The following MAML3 variants were observed in gnomAD, a reference collection of about 807,000 sequenced individuals.
The protein encoded by MAML3 is mastermind-like protein 3.
Under a neutral mutation model 101.9 loss-of-function variants are expected in MAML3, and 27 were observed. That is an observed-to-expected ratio of 0.27 (90% CI 0.20 to 0.37). The LOEUF is 0.37. MAML3 is among the 10% of genes least tolerant of loss of function. The pLI, the probability that MAML3 is intolerant of heterozygous loss-of-function variation, is 1.00. For synonymous variants in MAML3, 501 were observed against 555.9 expected, an observed-to-expected ratio of 0.90 and a Z score of 1.39; for missense variants, 1,316 against 1,444.9, an observed-to-expected ratio of 0.91 and a Z score of 1.45.
At chr4:140,011,730 A>G (rs1281123709) in intron 1 of MAML3, among the ~76,000 whole-genome samples, 3 of 152,174 alleles carry the variant, frequency 2.0e-5, no homozygotes, top group Non-Finnish European at 4.4e-5. Context: ...GGTTTGGCTA[A>G]ATACATCTAA....
chr4:139,782,661 G>A (rs34395745), intron 2 of MAML3, among the ~76,000 whole-genome samples: 30,778 of 152,002 alleles, frequency 0.2, 3,283 homozygotes, highest in Non-Finnish European at 0.22. Flanking sequence ...GTAATGAATG[G>A]CAAAGTTCAG....
intron 2 of MAML3, among the ~76,000 whole-genome samples, chr4:139,804,189 C>T (rs1014216995): frequency 1.3e-5 from 2 of 152,052 alleles, no homozygotes; most frequent in Non-Finnish European, 2.9e-5. Flanking sequence ...TAGTTGGCAA[C>T]CACTTGAAAT....
intron 1 of MAML3, among the ~76,000 whole-genome samples, chr4:139,957,770 A>G (rs1314348045): frequency 6.6e-6 from 1 of 152,200 alleles, no homozygotes; most frequent in African/African-American, 2.4e-5. Context: ...AAACTTATGA[A>G]GCACCAAATA....
intron 2 of MAML3, among the ~76,000 whole-genome samples, chr4:139,815,654 T>G (rs59224511): frequency 0.01 from 1,562 of 152,280 alleles, 30 homozygotes; most frequent in African/African-American, 0.036. Flanking sequence ...TCTGCATTCA[T>G]GGTGCATTTT....
At position 140,153,127 on chromosome 4, in the gene MAML3, A is replaced by G. The variant is rs1034695955; in HGVS notation, c.201T>C (p.Val67=). 2.1e-5 allele frequency: 32 copies of G among 1,550,316 alleles called. No homozygotes were observed. Among genetic ancestry groups the G allele is most frequent in the Admixed American group, 5.9e-5 (3 of 50,988 alleles). Residue 67 remains valine (V), a synonymous_variant, in exon 1 of 5, where the codon GTT becomes GTC. Coordinates refer to ENST00000509479, the MANE Select transcript of MAML3 (RefSeq NM_018717.5). ...SGGPGGGSAA[V]PKHSTVVERL... ...GCTCCACCACGGTGCTGTGCTTGGG[A>G]ACGGCCGCCGAACCGCCGCCGGGGC...
chr4:139,945,885 G>A (rs576610815), intron 1 of MAML3, among the ~76,000 whole-genome samples: 4 of 152,322 alleles, frequency 2.6e-5, no homozygotes, highest in Admixed American at 2.6e-4. Flanking sequence ...ACAAAAAAAG[G>A]TGGAAGGTGT....
At chr4:139,882,194 A>C (rs1404540009) in intron 2 of MAML3, among the ~76,000 whole-genome samples, 1 of 152,172 alleles carries the variant, frequency 6.6e-6, no homozygotes, top group African/African-American at 2.4e-5. Context: ...TCAGAGTACA[A>C]TCCAGAAGGT....
chr4:140,052,534 T>TC (rs1420268863), intron 1 of MAML3, among the ~76,000 whole-genome samples: 1 of 147,384 alleles, frequency 6.8e-6, no homozygotes, highest in African/African-American at 2.5e-5. Flanking sequence ...CCCATATATT[T>TC]CTTTTTTTTT....
intron 2 of MAML3, among the ~76,000 whole-genome samples, chr4:139,761,008 G>A (rs895478560): frequency 6.6e-6 from 1 of 152,008 alleles, no homozygotes; most frequent in Non-Finnish European, 1.5e-5. Flanking sequence ...GCCCAGGCTG[G>A]AGTACAATGG....
At position 140,120,100 on chromosome 4, in the gene MAML3, G is replaced by A. The variant is rs551207066; in HGVS notation, c.468+32760C>T. On this transcript the variant is annotated intron_variant, in intron 1 of 4. Transcript: ENST00000509479. ...AAAATACAAAAAATTAGCCGGGCGT[G>A]GTGGCGGGCGCCTGTAGTCCCAGCT... Among the ~76,000 whole-genome samples the A allele has an allele frequency of 2.3e-4, 35 of 152,158 alleles. 1 individual carries two copies. In the South Asian group the frequency reaches 4.4e-3, roughly 19 times the overall value.
chr4:139,931,764 C>T (rs112572386), intron 1 of MAML3, among the ~76,000 whole-genome samples: 1,707 of 152,148 alleles, frequency 0.011, 35 homozygotes, highest in African/African-American at 0.038. Context: ...AATCCCACCA[C>T]TTTGGGAGGC....
intron 2 of MAML3, among the ~76,000 whole-genome samples, chr4:139,760,419 A>C (rs993132416): frequency 3.9e-5 from 6 of 152,242 alleles, no homozygotes; most frequent in Non-Finnish European, 5.9e-5. Context: ...CTGTAATCCC[A>C]GCACTTCGGG....
intron 1 of MAML3, among the ~76,000 whole-genome samples, chr4:139,909,832 G>A (rs1330637555): frequency 1.5e-4 from 5 of 34,416 alleles, no homozygotes; most frequent in South Asian, 1.0e-3. Flanking sequence ...GTGCGATGCC[G>A]TCTCAAAAAA....
chr4:139,918,255 T>C lies in MAML3; in HGVS notation c.469-27288A>G, dbSNP rs141375162. 3.1e-3 allele frequency among the ~76,000 whole-genome samples: 474 copies of C among 152,296 alleles called. 6 individuals are homozygous for C. Among genetic ancestry groups the C allele is most frequent in the African/African-American group, 0.01 (430 of 41,574 alleles). On this transcript the variant is annotated intron_variant, in intron 1 of 4. Coordinates refer to ENST00000509479, the MANE Select transcript of MAML3 (RefSeq NM_018717.5). Reference sequence around the variant, plus strand: ...CCTCAAATCCTTATATAGACTCCCATTTCTCTGAAAGTCAAACTTGCCTAA... The same window carrying C: ...CCTCAAATCCTTATATAGACTCCCACTTCTCTGAAAGTCAAACTTGCCTAA...
intron 1 of MAML3, among the ~76,000 whole-genome samples, chr4:140,110,761 T>C (rs957506563): frequency 6.6e-6 from 1 of 152,216 alleles, no homozygotes. Context: ...GTAAGACTGC[T>C]CCACCCTTCT....
intron 1 of MAML3, among the ~76,000 whole-genome samples, chr4:139,995,604 T>C (rs4863716): frequency 0.5 from 75,978 of 151,922 alleles, 19,462 homozygotes; most frequent in East Asian, 0.65. Context: ...TTTAATTTAT[T>C]TGATTTGTTG....
chr4:140,138,715 T>G (rs972879640), intron 1 of MAML3, among the ~76,000 whole-genome samples: 3 of 152,140 alleles, frequency 2.0e-5, no homozygotes, highest in African/African-American at 7.2e-5. Flanking sequence ...GGATTAGAAC[T>G]GGGCACAAAA....
chr4:140,142,635 A>C (rs1010288405), intron 1 of MAML3, among the ~76,000 whole-genome samples: 6 of 152,192 alleles, frequency 3.9e-5, no homozygotes, highest in Admixed American at 3.3e-4. Context: ...CAGAGATCCT[A>C]AATTTATCCC....
At chr4:139,826,210 C>G (rs1451748294) in intron 2 of MAML3, among the ~76,000 whole-genome samples, 2 of 152,036 alleles carry the variant, frequency 1.3e-5, no homozygotes. Flanking sequence ...ACCCCGGGCC[C>G]CACCTCAGCA....
Sources: allele counts gnomAD v4.1 joint callset (sites outside exome capture counted in the v4.1 genomes callset), GRCh38; gene constraint gnomAD v4.1.1; transcripts MANE v1.5; gene names NCBI Gene and HGNC (gene_info 2026-07-23, HGNC 2026-07-21).